Variants in SETD4 observed in about 807,000 individuals in gnomAD.
The protein encoded by SETD4 is SET domain containing 4, also known as SET domain-containing protein 4.
A neutral mutation model predicts 58.3 loss-of-function variants in SETD4; 46 were observed. That is an observed-to-expected ratio of 0.79 (90% CI 0.62 to 1.01). The LOEUF (loss-of-function observed/expected upper bound fraction) is 1.01. Among genes scored for constraint, SETD4 ranks in the 50% least tolerant of loss-of-function variants. The pLI, the probability that SETD4 is intolerant of heterozygous loss-of-function variation, is 0.00. For missense variants in SETD4, 490 were observed against 523.3 expected (o/e 0.94, Z 0.62); for synonymous variants, 190 against 202.6 (o/e 0.94, Z 0.53).
intron 2 of SETD4, 92 bp downstream of exon 2, chr21:36,058,724 A>C: frequency 8.0e-7 from 1 of 1,255,558 alleles, no homozygotes; most frequent in Non-Finnish European, 1.1e-6. Flanking sequence ...TCTCAGAAAA[A>C]AGAAAGAAAG....
intron 5 of SETD4, among the ~76,000 whole-genome samples, chr21:36,047,500 G>A (rs1231662091): frequency 6.6e-6 from 1 of 152,166 alleles, no homozygotes; most frequent in Non-Finnish European, 1.5e-5. Context: ...GTAGAAATAA[G>A]AGAGAGTAAC....
In SETD4 at chr21:36,036,314, TAC is replaced by T. The variant is rs2063779448; in HGVS notation, c.1189-65_1189-64del. 2.0e-4 allele frequency: 22 copies of T among 107,526 alleles called. No homozygotes were observed. In the South Asian group the frequency reaches 4.6e-3, roughly 23 times the overall value. 6.7% of individuals were successfully genotyped at this position (107,526 alleles called of 1,614,324 possible). A position where few individuals can be genotyped will look rare whatever the true frequency, so the allele number is the denominator to read the frequency against. ...ACATATATATATATTTCACAGAACG[TAC>T]GTACCTTTTTAACCAATTTTAAGTG... On this transcript the variant is annotated intron_variant, in intron 10 of 11. Coordinates refer to ENST00000332131, the MANE Select transcript of SETD4 (RefSeq NM_017438.5).
chr21:36,048,658 C>T (rs1016104972), intron 4 of SETD4, among the ~76,000 whole-genome samples: 34 of 152,086 alleles, frequency 2.2e-4, no homozygotes, highest in African/African-American at 8.2e-4. Flanking sequence ...AAGCAGTCAA[C>T]CCTTCACCAG....
intron 4 of SETD4, chr21:36,052,921 A>G (rs1309733696): frequency 6.6e-6 from 1 of 152,306 alleles, no homozygotes; most frequent in Non-Finnish European, 1.5e-5. Flanking sequence ...TACCTGCCAC[A>G]TCACGACTGC....
At chr21:36,056,221 G>A (rs771821362) in intron 3 of SETD4, among the ~76,000 whole-genome samples, 3 of 152,188 alleles carry the variant, frequency 2.0e-5, no homozygotes, top group South Asian at 2.1e-4. Context: ...TTGCCTTGGC[G>A]TGTGGTATAT....
rs1341258546 is a variant in SETD4 at position 36,048,353 on chromosome 21, G to C, written c.251C>G (p.Thr84Ser). ...IISLPESCLLTTDTVIRSYLG... is the reference protein window; with the variant it reads ...IISLPESCLLSTDTVIRSYLG... The stretch of plus-strand genomic sequence containing the variant: ...GTAGCTTCGAATCACTGTGTCCGTG[G>C]TGAGCAGGCAACTCTCAGGCAACGA... Residue 84 changes from threonine (T) to serine (S), a missense_variant, in exon 5 of 12, where the codon ACC (threonine) becomes AGC (serine). By Grantham distance (58) the Thr-to-Ser change is moderately conservative. Transcript: ENST00000332131. 1.2e-6 allele frequency: 2 copies of C among 1,614,112 alleles called. No homozygotes were observed. The highest frequency in any genetic ancestry group is 1.7e-6 in the Non-Finnish European group (2 of 1,180,014).
At chr21:36,051,743 T>C (rs1335451032) in intron 4 of SETD4, among the ~76,000 whole-genome samples, 4 of 152,250 alleles carry the variant, frequency 2.6e-5, no homozygotes, top group Non-Finnish European at 2.9e-5. Context: ...AATATCCAAG[T>C]AGCATAACTT....
At chr21:36,038,057 C>T in intron 10 of SETD4, 93 bp downstream of exon 10, 1 of 1,391,712 alleles carries the variant, frequency 7.2e-7, no homozygotes, top group South Asian at 1.4e-5. Flanking sequence ...AAACAATGCT[C>T]TTATGAAATG....
intron 10 of SETD4, among the ~76,000 whole-genome samples, chr21:36,037,640 A>G (rs1482996999): frequency 1.3e-5 from 2 of 151,458 alleles, no homozygotes; most frequent in East Asian, 3.9e-4. Context: ...AAAAGAAAAA[A>G]TAAAAATAAA....
chr21:36,057,088 C>G, intron 3 of SETD4, 21 bp downstream of exon 3: 1 of 1,605,262 alleles, frequency 6.2e-7, no homozygotes. Context: ...AAGGGCAGGA[C>G]AGCTGAAGGC....
intron 2 of SETD4, among the ~76,000 whole-genome samples, chr21:36,057,985 G>A (rs2065074261): frequency 6.6e-6 from 1 of 152,202 alleles, no homozygotes. Context: ...TATTGAACAA[G>A]ATACAGTATC....
intron 2 of SETD4, among the ~76,000 whole-genome samples, chr21:36,058,014 C>A (rs2065075331): frequency 6.6e-6 from 1 of 152,168 alleles, no homozygotes; most frequent in Admixed American, 6.5e-5. Context: ...ACAGGGTTAC[C>A]CTGAATTTGA....
Position 36,059,177 on chromosome 21 carries a change from C to G in SETD4, c.-36-253G>C, listed in dbSNP as rs545451909. On this transcript the variant is annotated intron_variant, in intron 1 of 11. Transcript: ENST00000332131. ...ATCAGTCCCTCTAAAACAGTTTTAT[C>G]TTGCAGACCTAGTGACTACAGCTTA... 8.9e-5 allele frequency: 23 copies of G among 258,774 alleles called. No homozygotes were observed. The South Asian group carries it at 2.6e-3, about 30-fold the overall frequency. 16.0% of individuals were successfully genotyped at this position (258,774 alleles called of 1,614,324 possible). A position where few individuals can be genotyped will look rare whatever the true frequency, so the allele number is the denominator to read the frequency against.
chr21:36,035,217 A>C lies in SETD4; in HGVS notation c.*776T>G, dbSNP rs1250172001. The C allele has an allele frequency of 6.6e-6, 1 of 152,308 alleles. No homozygotes were observed. Among genetic ancestry groups the C allele is most frequent in the Non-Finnish European group, 1.5e-5 (1 of 68,164 alleles). The allele number at this position is 152,308 out of a possible 1,614,324, so 9.4% of individuals were successfully genotyped here. ...CTGTGCAGGAAGCTCTCCCCACCCA[A>C]GGTCTGCGTGGTATCAAAACTCAAG... On this transcript the variant is annotated 3_prime_UTR_variant, in exon 12 of 12. Transcript: ENST00000332131.
At chr21:36,056,244 T>C (rs1475623113) in intron 3 of SETD4, among the ~76,000 whole-genome samples, 1 of 152,168 alleles carries the variant, frequency 6.6e-6, no homozygotes, top group African/African-American at 2.4e-5. Context: ...GGAAGTTAAT[T>C]TGCTCAAAGT....
chr21:36,040,854 T>C (rs1339460919), intron 8 of SETD4, among the ~76,000 whole-genome samples, 199 bp from the exon 9 acceptor site: 2 of 151,970 alleles, frequency 1.3e-5, no homozygotes, highest in East Asian at 1.9e-4. Flanking sequence ...TCTCTCCCCA[T>C]TTTTTTTCTA....
At chr21:36,039,926 C>G (rs913242387) in intron 9 of SETD4, among the ~76,000 whole-genome samples, 3 of 152,256 alleles carry the variant, frequency 2.0e-5, no homozygotes, top group Non-Finnish European at 4.4e-5. Flanking sequence ...CAAGGACAGC[C>G]TGCACCATCT....
At chr21:36,037,353 C>T (rs2063828433) in intron 10 of SETD4, among the ~76,000 whole-genome samples, 1 of 151,790 alleles carries the variant, frequency 6.6e-6, no homozygotes. Context: ...GCCTGTAATC[C>T]CAGCACTTTG....
intron 4 of SETD4, 109 bp downstream of exon 4, chr21:36,053,474 G>A: frequency 9.3e-7 from 1 of 1,070,026 alleles, no homozygotes; most frequent in Non-Finnish European, 1.4e-6. Flanking sequence ...TATTAGGTAA[G>A]TAAGAAATGA....
Sources: allele counts gnomAD v4.1 joint callset (sites outside exome capture counted in the v4.1 genomes callset), GRCh38; gene constraint gnomAD v4.1.1; transcripts MANE v1.5; gene names NCBI Gene and HGNC (gene_info 2026-07-23, HGNC 2026-07-21).